GNAQ: variants seen among roughly 807,000 people sequenced by gnomAD.
GNAQ encodes G protein subunit alpha q.
A neutral mutation model predicts 43.9 loss-of-function variants in GNAQ; 8 were observed. The observed-to-expected ratio is 0.18, with a 90% CI of 0.11 to 0.33. The LOEUF is 0.33. Ranked by LOEUF, GNAQ falls within the 10% of genes least tolerant of loss-of-function variation. GNAQ has a pLI of 1.00. For missense variants in GNAQ, 158 were observed against 450.8 expected, an observed-to-expected ratio of 0.35 and a Z score of 5.88; for synonymous variants, 155 against 170.7, an observed-to-expected ratio of 0.91 and a Z score of 0.71.
rs976567934 is a variant in GNAQ, at chr9:77,914,160, T to C, written c.321+8001A>G. Among the ~76,000 whole-genome samples, 3 of 152,052 alleles carry C rather than the reference T, an allele frequency of 2.0e-5. No individual in the cohort carries two copies. The East Asian group carries it at 5.8e-4, about 29-fold the overall frequency. On this transcript the variant is annotated intron_variant, in intron 2 of 6. Transcript: ENST00000286548. The stretch of plus-strand genomic sequence containing the variant: ...CAAAGATAAAGGGAGGAGAAGAAAA[T>C]GTGGCTAGGAAGTATCTGCAAGATA...
chr9:77,866,625 A>G (rs1009460392), intron 2 of GNAQ, among the ~76,000 whole-genome samples: 1 of 152,202 alleles, frequency 6.6e-6, no homozygotes, highest in African/African-American at 2.4e-5. Context: ...CTTCTCTAGA[A>G]ATTTCACACA....
Position 77,922,277 on chromosome 9 carries a change from C to G in GNAQ, c.205G>C (p.Asp69His). 6.2e-7 allele frequency: 1 copy of G among 1,613,008 alleles called. No individual in the cohort carries two copies. Among genetic ancestry groups the G allele is most frequent in the Non-Finnish European group, 8.5e-7 (1 of 1,179,002 alleles). The change falls in exon 2 of 7, where the codon GAT becomes CAT. Residue 69 changes from aspartate to histidine, a missense_variant. Asp to His is a moderately conservative substitution (Grantham distance 81). Coordinates refer to ENST00000286548, the MANE Select transcript of GNAQ (RefSeq NM_002072.5). Reference protein sequence around the residue: ...MRIIHGSGYSDEDKRGFTKLV... With the variant: ...MRIIHGSGYSHEDKRGFTKLV... ...TTGGTGAAGCCCCTTTTATCTTCAT[C>G]AGAGTATCCTGACCCATGGATGATT...
At chr9:77,773,176 C>A (rs1011857859) in intron 5 of GNAQ, among the ~76,000 whole-genome samples, 2 of 152,212 alleles carry the variant, frequency 1.3e-5, no homozygotes, top group East Asian at 1.9e-4. Context: ...TCAGCACTTA[C>A]ACAAATAATA....
At chr9:77,737,219 G>C (rs1350942460) in intron 5 of GNAQ, among the ~76,000 whole-genome samples, 2 of 152,198 alleles carry the variant, frequency 1.3e-5, no homozygotes, top group African/African-American at 4.8e-5. Flanking sequence ...GCTCAAGAGA[G>C]ATCACCTTCT....
chr9:77,862,008 T>TA lies in GNAQ; in HGVS notation c.322-46239dup, dbSNP rs56145947. Among the ~76,000 whole-genome samples, 1,088 of 118,078 alleles carry TA rather than the reference T, an allele frequency of 9.2e-3. 13 individuals carry two copies. The highest frequency in any genetic ancestry group is 0.029 in the African/African-American group (823 of 28,182). 77.5% of individuals were successfully genotyped at this position (118,078 alleles called of 152,430 possible). A position where few individuals can be genotyped will look rare whatever the true frequency, so the allele number is the denominator to read the frequency against. On this transcript the variant is annotated intron_variant, in intron 2 of 6. Transcript: ENST00000286548. ...GGACAGAGCAAGACTCTGTCTGGGGTAAAAAAAAAAAAAAAAAAAAAAAGA... is the reference window on the plus strand; with the variant it reads ...GGACAGAGCAAGACTCTGTCTGGGGTAAAAAAAAAAAAAAAAAAAAAAAAGA...
intron 2 of GNAQ, among the ~76,000 whole-genome samples, chr9:77,830,272 C>G (rs1236077166): frequency 6.6e-6 from 1 of 151,930 alleles, no homozygotes; most frequent in Non-Finnish European, 1.5e-5. Flanking sequence ...TTTTCTAATG[C>G]CCCCCCAAGT....
chr9:77,948,916 TC>T (rs1194447489), intron 1 of GNAQ, among the ~76,000 whole-genome samples: 3 of 152,096 alleles, frequency 2.0e-5, no homozygotes, highest in Non-Finnish European at 4.4e-5. Context: ...TGGTGTCGGT[TC>T]CTCTGCCCAC....
At chr9:77,878,872 C>A (rs997794160) in intron 2 of GNAQ, among the ~76,000 whole-genome samples, 3 of 151,848 alleles carry the variant, frequency 2.0e-5, no homozygotes, top group Non-Finnish European at 4.4e-5. Flanking sequence ...ATGATGAAAC[C>A]CCATCTCTAC....
chr9:77,864,545 A>T (rs1827917295), intron 2 of GNAQ, among the ~76,000 whole-genome samples: 1 of 152,130 alleles, frequency 6.6e-6, no homozygotes, highest in Non-Finnish European at 1.5e-5. Flanking sequence ...AGTGAGATGG[A>T]CCTGATCCCT....
chr9:77,905,636 C>T (rs976276151), intron 2 of GNAQ, among the ~76,000 whole-genome samples: 1 of 152,194 alleles, frequency 6.6e-6, no homozygotes, highest in African/African-American at 2.4e-5. Context: ...GTCGATCATA[C>T]ACTTGGAGAT....
chr9:77,904,038 A>G (rs1490682939), intron 2 of GNAQ, among the ~76,000 whole-genome samples: 1 of 152,148 alleles, frequency 6.6e-6, no homozygotes, highest in Non-Finnish European at 1.5e-5. Context: ...TTCCATATCA[A>G]CTTGGATAAT....
intron 4 of GNAQ, among the ~76,000 whole-genome samples, chr9:77,794,954 T>C (rs1826634582): frequency 6.6e-6 from 1 of 152,194 alleles, no homozygotes; most frequent in African/African-American, 2.4e-5. Context: ...AATACTGAAC[T>C]TCAGTTTCTT....
chr9:77,939,364 C>CAT (rs1229618507), intron 1 of GNAQ, among the ~76,000 whole-genome samples: 2 of 152,172 alleles, frequency 1.3e-5, no homozygotes, highest in African/African-American at 4.8e-5. Flanking sequence ...GATCCTGCAG[C>CAT]ATGAAGAACT....
At position 77,720,809 on chromosome 9, in the gene GNAQ, CTTAAA is replaced by C. The variant is rs1243968266; in HGVS notation, c.*509_*513del. The C allele has an allele frequency of 1.7e-5, 4 of 233,596 alleles. No homozygotes were observed. In the East Asian group the frequency reaches 2.4e-4, roughly 14 times the overall value. 14.5% of individuals were successfully genotyped at this position (233,596 alleles called of 1,614,324 possible). On this transcript the variant is annotated 3_prime_UTR_variant, in exon 7 of 7. Coordinates refer to ENST00000286548, the MANE Select transcript of GNAQ (RefSeq NM_002072.5). ...ATAATCCTTCAGCAAAAACTACAAA[CTTAAA>C]TTAAGCTGATGATGGCTTAAATCGA...
chr9:77,792,850 G>T (rs1156362379), intron 5 of GNAQ, among the ~76,000 whole-genome samples: 1 of 152,068 alleles, frequency 6.6e-6, no homozygotes, highest in African/African-American at 2.4e-5. Flanking sequence ...TTAAAGAAGA[G>T]AAATGACAAC....
intron 5 of GNAQ, among the ~76,000 whole-genome samples, chr9:77,735,898 G>C (rs530009651): frequency 1.8e-4 from 28 of 152,220 alleles, no homozygotes; most frequent in African/African-American, 5.8e-4. Context: ...CTGAGCCTTG[G>C]TCTCCTCATG....
At chr9:77,839,857 C>G (rs1827455664) in intron 2 of GNAQ, among the ~76,000 whole-genome samples, 1 of 152,078 alleles carries the variant, frequency 6.6e-6, no homozygotes, top group Non-Finnish European at 1.5e-5. Context: ...GAACATTAAC[C>G]CAAAAATGCC....
At chr9:77,953,319 T>C (rs764100822) in intron 1 of GNAQ, among the ~76,000 whole-genome samples, 20 of 152,250 alleles carry the variant, frequency 1.3e-4, no homozygotes, top group Non-Finnish European at 2.1e-4. Context: ...AATTAGTTCA[T>C]GTCTCTCAAC....
At chr9:77,919,174 C>A (rs1021680097) in intron 2 of GNAQ, among the ~76,000 whole-genome samples, 1 of 152,144 alleles carries the variant, frequency 6.6e-6, no homozygotes, top group African/African-American at 2.4e-5. Context: ...CCCGCCTTAG[C>A]CTCCGTAAGT....
Sources: allele counts gnomAD v4.1 joint callset (sites outside exome capture counted in the v4.1 genomes callset), GRCh38; gene constraint gnomAD v4.1.1; transcripts MANE v1.5; gene names NCBI Gene and HGNC (gene_info 2026-07-23, HGNC 2026-07-21).